The following SLC30A6 variants were observed in gnomAD, a reference collection of about 807,000 sequenced individuals.
SLC30A6 encodes zinc transporter 6.
A neutral mutation model predicts 63.0 loss-of-function variants in SLC30A6; 55 were observed. That is an observed-to-expected ratio of 0.87 (90% CI 0.70 to 1.09). The LOEUF (loss-of-function observed/expected upper bound fraction) is 1.09, where lower values mean the gene tolerates loss of function less well. SLC30A6 is among the 50% of genes least tolerant of loss of function. The pLI, the probability that SLC30A6 is intolerant of heterozygous loss-of-function variation, is 0.00. For missense variants in SLC30A6, 587 were observed against 549.2 expected (o/e 1.07, Z -0.69); for synonymous variants, 224 against 186.1 (o/e 1.20, Z -1.66).
At chr2:32,174,273 G>A in intron 3 of SLC30A6, 126 bp downstream of exon 3, 4 of 565,350 alleles carry the variant, frequency 7.1e-6, no homozygotes, top group Non-Finnish European at 1.2e-5. Flanking sequence ...ATTTAAATAA[G>A]GGACTATATT....
chr2:32,203,855 A>G, intron 10 of SLC30A6: 1 of 1,232,452 alleles, frequency 8.1e-7, no homozygotes, highest in Non-Finnish European at 1.2e-6. Context: ...TCAAGTGGCC[A>G]GTCGGGCCGA....
chr2:32,208,040 G>A (rs1386587279), intron 12 of SLC30A6, among the ~76,000 whole-genome samples: 15 of 151,122 alleles, frequency 9.9e-5, no homozygotes, highest in Non-Finnish European at 2.9e-5. Flanking sequence ...CACCATGTTG[G>A]CCAAGATGGT....
intron 3 of SLC30A6, among the ~76,000 whole-genome samples, chr2:32,174,896 A>C (rs968399328): frequency 6.6e-6 from 1 of 152,166 alleles, no homozygotes; most frequent in Non-Finnish European, 1.5e-5. Context: ...TAATTTATGC[A>C]GTTTGTAAGT....
intron 4 of SLC30A6, among the ~76,000 whole-genome samples, chr2:32,180,469 C>A (rs928787538): frequency 6.6e-6 from 1 of 151,964 alleles, no homozygotes; most frequent in Non-Finnish European, 1.5e-5. Flanking sequence ...CATCCTGTCA[C>A]CCAAGCTAGA....
intron 3 of SLC30A6, among the ~76,000 whole-genome samples, chr2:32,175,055 A>T (rs1011774764): frequency 1.3e-5 from 2 of 152,198 alleles, no homozygotes; most frequent in Non-Finnish European, 2.9e-5. Flanking sequence ...AAGCAGGCAG[A>T]AAAATGGTAA....
At position 32,220,499 on chromosome 2, in the gene SLC30A6, C is replaced by T. The variant is rs200735309; in HGVS notation, c.1172C>T (p.Thr391Ile). The T allele has an allele frequency of 6.2e-7, 1 of 1,614,094 alleles. No individual in the cohort carries two copies. Among genetic ancestry groups the T allele is most frequent in the Admixed American group, 1.7e-5 (1 of 59,998 alleles). ...CCACCTCCAGAATTTTCATTTAACA[C>T]TCCTGGGAAAAATGTGAACCCAGTT... is the stretch of plus-strand genomic sequence containing the variant. ...SSPPPEFSFN[T>I]PGKNVNPVIL... The change falls in exon 14 of 14, where the codon ACT becomes ATT. Residue 391 changes from threonine to isoleucine, a missense_variant. Physicochemically the swap from Thr to Ile is moderately conservative, Grantham distance 89. Coordinates refer to ENST00000282587, the MANE Select transcript of SLC30A6 (RefSeq NM_017964.5).
Position 32,175,357 on chromosome 2 carries a change from T to C in SLC30A6, c.214T>C (p.Phe72Leu), listed in dbSNP as rs201730025. 358 of 1,611,168 alleles carry C rather than the reference T, an allele frequency of 2.2e-4. No individual in the cohort carries two copies. Among genetic ancestry groups the C allele is most frequent in the Non-Finnish European group, 2.9e-4 (340 of 1,179,182 alleles). The change falls in exon 4 of 14, where the codon TTT (phenylalanine) becomes CTT (leucine). Residue 72 changes from phenylalanine (F) to leucine (L), a missense_variant. Physicochemically the swap from Phe to Leu is conservative, Grantham distance 22. Coordinates refer to ENST00000282587, the MANE Select transcript of SLC30A6 (RefSeq NM_017964.5). ...AYTYLTIFDL[F>L]SLMTCLISYW... ...TACTTACCTGACCATTTTTGATCTT[T>C]TTAGGTAAGTTTTTAGGAAATCTTA... is the stretch of plus-strand genomic sequence containing the variant.
chr2:32,193,703 G>A (rs1257309318), intron 7 of SLC30A6, among the ~76,000 whole-genome samples, 186 bp from the exon 8 acceptor site: 2 of 152,154 alleles, frequency 1.3e-5, no homozygotes, highest in African/African-American at 2.4e-5. Context: ...TTGTAAGATG[G>A]AGCAACAGTA....
chr2:32,200,168 C>G (rs928530496), intron 10 of SLC30A6, among the ~76,000 whole-genome samples: 1 of 152,002 alleles, frequency 6.6e-6, no homozygotes, highest in African/African-American at 2.4e-5. Flanking sequence ...TTCCCATTCT[C>G]ATTGCTGCTG....
At chr2:32,183,837 TCTCA>T (rs1332176289) in intron 4 of SLC30A6, among the ~76,000 whole-genome samples, 4 of 152,326 alleles carry the variant, frequency 2.6e-5, no homozygotes, top group East Asian at 3.9e-4. Context: ...CATAATTTTA[TCTCA>T]CTCAAAATGT....
intron 1 of SLC30A6, among the ~76,000 whole-genome samples, chr2:32,169,224 T>G (rs1680954033): frequency 6.6e-6 from 1 of 152,104 alleles, no homozygotes; most frequent in South Asian, 2.1e-4. Flanking sequence ...TGCCCAGGCT[T>G]GAGTAAAGTG....
intron 13 of SLC30A6, among the ~76,000 whole-genome samples, chr2:32,210,642 TA>T (rs201430390): frequency 1.4e-4 from 21 of 151,566 alleles, no homozygotes; most frequent in Admixed American, 4.6e-4. Flanking sequence ...ACAGTATCAT[TA>T]AAAAAAACAG....
rs1265480466 is a variant in SLC30A6 at position 32,220,713 on chromosome 2, A to G, written c.1386A>G (p.Ter462TrpextTer1). The change falls in exon 14 of 14, where the codon TGA becomes TGG. Residue 462 changes from the stop codon to tryptophan, a stop_lost. Coordinates refer to ENST00000282587, the MANE Select transcript of SLC30A6 (RefSeq NM_017964.5). ...TNNRIGQPRP[*>W] ...ATAGAATTGGACAACCAAGACCATG[A>G]TAGACTCTAACTTATTTTTATAAGG... The G allele has an allele frequency of 6.2e-7, 1 of 1,607,074 alleles. No homozygotes were observed. Among genetic ancestry groups the G allele is most frequent in the Admixed American group, 1.7e-5 (1 of 58,846 alleles).
chr2:32,170,338 G>C lies in SLC30A6; in HGVS notation c.4-949G>C, dbSNP rs529575726. Among the ~76,000 whole-genome samples the C allele has an allele frequency of 2.0e-5, 3 of 152,244 alleles. No homozygotes were observed. The South Asian group carries it at 6.2e-4, about 32-fold the overall frequency. On this transcript the variant is annotated intron_variant, in intron 1 of 13. Coordinates refer to ENST00000282587, the MANE Select transcript of SLC30A6 (RefSeq NM_017964.5). Reference sequence around the variant, plus strand: ...CTTATATTTTCTCCCAGTGATATTGGATACTGCTTTTCTCATAAGTTAATT... The same window carrying C: ...CTTATATTTTCTCCCAGTGATATTGCATACTGCTTTTCTCATAAGTTAATT...
chr2:32,216,657 T>C (rs938990476), intron 13 of SLC30A6, among the ~76,000 whole-genome samples: 3 of 152,128 alleles, frequency 2.0e-5, no homozygotes, highest in Admixed American at 1.3e-4. Flanking sequence ...ATTTCTCTGC[T>C]GATTAGTGAT....
chr2:32,178,202 T>G (rs914167447), intron 4 of SLC30A6, among the ~76,000 whole-genome samples: 10 of 151,234 alleles, frequency 6.6e-5, no homozygotes, highest in Admixed American at 6.6e-4. Flanking sequence ...CCGCCTCGGC[T>G]TCCCAAAGTG....
intron 4 of SLC30A6, among the ~76,000 whole-genome samples, chr2:32,183,268 T>C (rs1159894852): frequency 6.6e-6 from 1 of 152,038 alleles, no homozygotes; most frequent in Non-Finnish European, 1.5e-5. Context: ...AATTGAGGAA[T>C]TGTGAGCTAG....
intron 11 of SLC30A6, among the ~76,000 whole-genome samples, chr2:32,206,374 A>G (rs1573391061): frequency 6.6e-6 from 1 of 151,382 alleles, no homozygotes; most frequent in Non-Finnish European, 1.5e-5. Context: ...TGAACCCGGG[A>G]GGCGGAGCTT....
intron 4 of SLC30A6, among the ~76,000 whole-genome samples, chr2:32,178,798 G>C (rs561090335): frequency 1.3e-5 from 2 of 152,338 alleles, no homozygotes; most frequent in South Asian, 4.1e-4. Flanking sequence ...CATCAGTCTT[G>C]ATTACTGCAG....
Sources: allele counts gnomAD v4.1 joint callset (sites outside exome capture counted in the v4.1 genomes callset), GRCh38; gene constraint gnomAD v4.1.1; transcripts MANE v1.5; gene names NCBI Gene and HGNC (gene_info 2026-07-23, HGNC 2026-07-21).